CA10: variants seen among roughly 807,000 people sequenced by gnomAD.
The protein encoded by CA10 is carbonic anhydrase 10 (inactive).
A neutral mutation model predicts 44.2 loss-of-function variants in CA10; 14 were observed. The ratio of observed to expected loss-of-function variants is 0.32; its 90% CI spans 0.21 to 0.50. The LOEUF (loss-of-function observed/expected upper bound fraction) is 0.50, where lower values mean the gene tolerates loss of function less well. Ranked by LOEUF, CA10 falls within the 20% of genes least tolerant of loss-of-function variation. The pLI is 0.99. For missense variants in CA10, 350 were observed against 409.7 expected (o/e 0.85, Z 1.26); for synonymous variants, 159 against 141.6 (o/e 1.12, Z -0.87).
At chr17:51,686,227 C>T (rs1384841245) in intron 4 of CA10, among the ~76,000 whole-genome samples, 3 of 152,298 alleles carry the variant, frequency 2.0e-5, no homozygotes, top group Middle Eastern at 3.4e-3. Context: ...TCCTCATTCA[C>T]CTGCCATGAT....
At chr17:52,081,453 A>G (rs555531117) in intron 1 of CA10, among the ~76,000 whole-genome samples, 66 of 152,248 alleles carry the variant, frequency 4.3e-4, no homozygotes, top group African/African-American at 1.6e-3. Context: ...CCCAAGAGAA[A>G]GGTGGTGGTG....
At chr17:52,140,663 G>A (rs1325901612) in intron 1 of CA10, among the ~76,000 whole-genome samples, 2 of 152,192 alleles carry the variant, frequency 1.3e-5, no homozygotes, top group African/African-American at 4.8e-5. Context: ...AAGAGGCTTT[G>A]TTACGCAGCG....
At chr17:52,000,835 G>A (rs1251572919) in intron 2 of CA10, among the ~76,000 whole-genome samples, 1 of 130,418 alleles carries the variant, frequency 7.7e-6, no homozygotes, top group African/African-American at 2.8e-5. Context: ...GAGAGGTTAA[G>A]TTATCTCTAT....
intron 3 of CA10, among the ~76,000 whole-genome samples, chr17:51,878,672 CTCAA>C (rs1349509424): frequency 6.6e-6 from 1 of 151,400 alleles, no homozygotes; most frequent in African/African-American, 2.4e-5. Flanking sequence ...ATTTTAATTA[CTCAA>C]TCAGATTATT....
rs144917230 is a variant in CA10 at position 52,011,101 on chromosome 17, A to G, written c.136+61218T>C. Among the ~76,000 whole-genome samples, 655 of 152,010 alleles carry G rather than the reference A, an allele frequency of 4.3e-3. 2 individuals are homozygous for G. Among genetic ancestry groups the G allele is most frequent in the African/African-American group, 0.015 (615 of 41,496 alleles). ...TGAGCCTTACTTTCTATGCCTAAAA[A>G]CTGGGAATTGTATTGTGGATTTGAA... On this transcript the variant is annotated intron_variant, in intron 2 of 8. Coordinates refer to ENST00000451037, the MANE Select transcript of CA10 (RefSeq NM_020178.5).
chr17:52,102,910 C>T (rs545037988), intron 1 of CA10, among the ~76,000 whole-genome samples: 17 of 152,084 alleles, frequency 1.1e-4, no homozygotes, highest in African/African-American at 3.4e-4. Context: ...TCTTATGTAC[C>T]CTTCACCCTC....
chr17:51,666,710 G>C (rs544161241), intron 4 of CA10, among the ~76,000 whole-genome samples: 1 of 151,812 alleles, frequency 6.6e-6, no homozygotes, highest in East Asian at 1.9e-4. Context: ...TTGAATATCT[G>C]AGTATTAATA....
chr17:51,834,927 C>T (rs550907853), intron 3 of CA10, among the ~76,000 whole-genome samples: 4 of 152,154 alleles, frequency 2.6e-5, no homozygotes, highest in East Asian at 1.9e-4. Context: ...CAATTCTATT[C>T]GGTCCTCTGA....
chr17:51,718,325 T>C (rs1916240096), intron 4 of CA10, among the ~76,000 whole-genome samples: 1 of 152,108 alleles, frequency 6.6e-6, no homozygotes, highest in Non-Finnish European at 1.5e-5. Context: ...AACTTTCAGC[T>C]CCACCTCAAC....
chr17:52,019,453 T>C (rs1289100816), intron 2 of CA10, among the ~76,000 whole-genome samples: 1 of 152,052 alleles, frequency 6.6e-6, no homozygotes, highest in Non-Finnish European at 1.5e-5. Flanking sequence ...GAGAGAAGGG[T>C]TATTTTGGTT....
At chr17:52,107,505 G>A (rs1988686232) in intron 1 of CA10, among the ~76,000 whole-genome samples, 1 of 151,990 alleles carries the variant, frequency 6.6e-6, no homozygotes, top group African/African-American at 2.4e-5. Context: ...TGAAACTATT[G>A]TCTCCACATG....
intron 3 of CA10, among the ~76,000 whole-genome samples, chr17:51,803,131 A>G (rs1222918128): frequency 2.6e-5 from 4 of 152,178 alleles, no homozygotes; most frequent in African/African-American, 9.7e-5. Flanking sequence ...CTCCCAGAAA[A>G]TGGATAGTTT....
Position 51,631,359 on chromosome 17 carries a change from T to C in CA10, c.*225A>G. 2 of 595,310 alleles carry C rather than the reference T, an allele frequency of 3.4e-6. No homozygotes were observed. The highest frequency in any genetic ancestry group is 6.1e-6 in the Non-Finnish European group (2 of 330,240). 36.9% of individuals were successfully genotyped at this position (595,310 alleles called of 1,614,324 possible). On this transcript the variant is annotated 3_prime_UTR_variant, in exon 9 of 9. Coordinates refer to ENST00000451037, the MANE Select transcript of CA10 (RefSeq NM_020178.5). ...GTGTGTAGGTATGTTTGCATGTGTTTGTATGTATGTGCAAGTGCTTGTGTG... is the reference window on the plus strand; with the variant it reads ...GTGTGTAGGTATGTTTGCATGTGTTCGTATGTATGTGCAAGTGCTTGTGTG...
chr17:51,887,311 G>A (rs1285036818), intron 3 of CA10, among the ~76,000 whole-genome samples: 2 of 152,166 alleles, frequency 1.3e-5, no homozygotes, highest in East Asian at 3.9e-4. Flanking sequence ...TCTAGGCTGA[G>A]GCAAGCAGGC....
At chr17:51,766,747 AG>A (rs1219041403) in intron 3 of CA10, among the ~76,000 whole-genome samples, 1 of 152,258 alleles carries the variant, frequency 6.6e-6, no homozygotes, top group Non-Finnish European at 1.5e-5. Flanking sequence ...GACTTTAGTC[AG>A]GAAAGTAAGG....
intron 3 of CA10, among the ~76,000 whole-genome samples, chr17:51,899,603 G>T (rs758826586): frequency 3.6e-4 from 55 of 152,170 alleles, no homozygotes; most frequent in Non-Finnish European, 6.6e-4. Flanking sequence ...AAACATATTT[G>T]TTAGTTTTCT....
At chr17:51,920,482 G>A (rs908991560) in intron 3 of CA10, among the ~76,000 whole-genome samples, 2 of 152,146 alleles carry the variant, frequency 1.3e-5, no homozygotes, top group African/African-American at 4.8e-5. Flanking sequence ...GGAACATGAT[G>A]CAGGAAAGAA....
chr17:51,662,256 T>G (rs1472735403), intron 4 of CA10, among the ~76,000 whole-genome samples: 1 of 152,222 alleles, frequency 6.6e-6, no homozygotes, highest in Non-Finnish European at 1.5e-5. Context: ...AGTCAACGTA[T>G]AGGTCCCAAA....
intron 3 of CA10, among the ~76,000 whole-genome samples, chr17:51,781,242 A>G (rs1275630505): frequency 6.6e-6 from 1 of 152,216 alleles, no homozygotes; most frequent in Non-Finnish European, 1.5e-5. Flanking sequence ...ATAATTCCTG[A>G]GAAGGACTGT....
Sources: gnomAD v4.1 joint callset for allele counts (sites outside exome capture counted in the v4.1 genomes callset) on GRCh38, gnomAD v4.1.1 for gene constraint, MANE v1.5 for transcripts, NCBI Gene and HGNC (gene_info 2026-07-23, HGNC 2026-07-21) for gene names.